Variants in SYT16 observed in about 807,000 individuals in gnomAD.
SYT16 encodes synaptotagmin-16.
SYT16 carries 42 observed loss-of-function variants against 61.4 expected under a neutral mutation model. The ratio of observed to expected loss-of-function variants is 0.68; its 90% CI spans 0.53 to 0.89. The LOEUF (loss-of-function observed/expected upper bound fraction) is 0.89. Among genes scored for constraint, SYT16 ranks in the 40% least tolerant of loss-of-function variants. SYT16 has a pLI of 0.00. For missense variants in SYT16, 804 were observed against 807.3 expected (o/e 1.00, Z 0.05); for synonymous variants, 314 against 302.3 (o/e 1.04, Z -0.40).
intron 1 of SYT16, among the ~76,000 whole-genome samples, chr14:61,887,975 T>C (rs2047973053): frequency 6.6e-6 from 1 of 152,222 alleles, no homozygotes; most frequent in African/African-American, 2.4e-5. Context: ...GAGGCCTAGC[T>C]TTTACCGTCT....
rs1349193257 is a variant in SYT16 at position 62,107,148 on chromosome 14, T to C, written c.*6441T>C. 1.3e-5 allele frequency: 2 copies of C among 151,694 alleles called. No individual in the cohort carries two copies. The highest frequency in any genetic ancestry group is 2.1e-4 in the South Asian group (1 of 4,820). The allele number at this position is 151,694 out of a possible 1,614,324, so 9.4% of individuals were successfully genotyped here. On this transcript the variant is annotated 3_prime_UTR_variant, in exon 8 of 8. Transcript: ENST00000683842. Reference sequence around the variant, plus strand: ...AAATTTATTCATTCAAAAAGATCTTTATAGGTTGGGCATGGTGGCTCACAC... The same window carrying C: ...AAATTTATTCATTCAAAAAGATCTTCATAGGTTGGGCATGGTGGCTCACAC...
chr14:61,827,699 ATATTT>A (rs1311470324), intron 1 of SYT16, among the ~76,000 whole-genome samples: 9 of 151,928 alleles, frequency 5.9e-5, no homozygotes, highest in Admixed American at 3.3e-4. Context: ...CACACTTTTG[ATATTT>A]TATTTATTGC....
intron 1 of SYT16, among the ~76,000 whole-genome samples, chr14:61,836,792 CATTT>C (rs1466840059): frequency 3.3e-5 from 5 of 152,278 alleles, no homozygotes; most frequent in Non-Finnish European, 5.9e-5. Context: ...CCTTTACATC[CATTT>C]ATTTATGTCT....
chr14:62,073,539 T>A (rs2056375245), intron 4 of SYT16, among the ~76,000 whole-genome samples: 1 of 152,212 alleles, frequency 6.6e-6, no homozygotes, highest in African/African-American at 2.4e-5. Flanking sequence ...AATTTTGTAA[T>A]GTCCCATAAA....
At chr14:62,004,261 A>C (rs1404717192) in intron 3 of SYT16, among the ~76,000 whole-genome samples, 2 of 152,152 alleles carry the variant, frequency 1.3e-5, no homozygotes, top group Admixed American at 1.3e-4. Flanking sequence ...AGAGAGAGAG[A>C]GCGCACAAGC....
chr14:61,877,576 C>A (rs2047544292), intron 1 of SYT16, among the ~76,000 whole-genome samples: 1 of 152,168 alleles, frequency 6.6e-6, no homozygotes, highest in African/African-American at 2.4e-5. Context: ...AAAGTCAGTC[C>A]CATTTTTCTC....
At chr14:61,910,515 G>T (rs559909478) in intron 1 of SYT16, among the ~76,000 whole-genome samples, 1 of 131,256 alleles carries the variant, frequency 7.6e-6, no homozygotes, top group Admixed American at 7.9e-5. Context: ...CTGAGCCGCC[G>T]CATCCCGCTG....
chr14:61,835,135 CA>C (rs1285864430), intron 1 of SYT16, among the ~76,000 whole-genome samples: 2 of 151,214 alleles, frequency 1.3e-5, no homozygotes, highest in Non-Finnish European at 2.9e-5. Flanking sequence ...TTAAGAACAG[CA>C]AAAAACAGTT....
chr14:61,979,589 A>C (rs1325696108), intron 2 of SYT16, among the ~76,000 whole-genome samples: 5 of 152,202 alleles, frequency 3.3e-5, no homozygotes, highest in African/African-American at 1.2e-4. Flanking sequence ...TTAGATGATT[A>C]AAAATAAATT....
intron 1 of SYT16, among the ~76,000 whole-genome samples, chr14:61,867,950 T>G (rs1326274783): frequency 6.6e-6 from 1 of 152,142 alleles, no homozygotes; most frequent in Non-Finnish European, 1.5e-5. Context: ...AGTCTGTTAA[T>G]ATGTTGAATT....
At position 62,066,487 on chromosome 14, in the gene SYT16, T is replaced by C. The variant is rs551750002; in HGVS notation, c.524-3116T>C. 1.4e-4 allele frequency among the ~76,000 whole-genome samples: 21 copies of C among 152,350 alleles called. 1 individual carries two copies. The highest frequency in any genetic ancestry group is 5.0e-4 in the African/African-American group (21 of 41,588). On this transcript the variant is annotated intron_variant, in intron 3 of 7. Coordinates refer to ENST00000683842, the MANE Select transcript of SYT16 (RefSeq NM_001367656.1). ...TCAGTAAGTGTGTTATTATTGCTAG[T>C]CTTCCAAAGAACCTCAGGAATGTCA...
chr14:62,029,324 G>C (rs2054221339), intron 3 of SYT16, among the ~76,000 whole-genome samples: 1 of 152,172 alleles, frequency 6.6e-6, no homozygotes, highest in Admixed American at 6.5e-5. Flanking sequence ...CACAGTCTTG[G>C]GTGAATGTGG....
At chr14:61,923,023 T>A (rs995138209) in intron 1 of SYT16, among the ~76,000 whole-genome samples, 3 of 144,150 alleles carry the variant, frequency 2.1e-5, no homozygotes, top group African/African-American at 7.8e-5. Context: ...CACTCCAGCC[T>A]GGTCAACAGG....
intron 3 of SYT16, among the ~76,000 whole-genome samples, chr14:62,059,799 C>CACACACACAT (rs1360104270): frequency 2.7e-5 from 4 of 150,728 alleles, no homozygotes; most frequent in African/African-American, 9.8e-5. Context: ...CACACACACA[C>CACACACACAT]ACTCAATGTG....
At position 61,934,406 on chromosome 14, in the gene SYT16, A is replaced by G. The variant is rs1486101464; in HGVS notation, c.-324-35726A>G. On this transcript the variant is annotated intron_variant, in intron 1 of 7. Transcript: ENST00000683842. Reference sequence around the variant, plus strand: ...TGATTCAGCCTGAGAAAACCTCTGTATGACAAAAAATGTAGAATGCTTTAT... The same window carrying G: ...TGATTCAGCCTGAGAAAACCTCTGTGTGACAAAAAATGTAGAATGCTTTAT... Among the ~76,000 whole-genome samples, 3 of 152,326 alleles carry G rather than the reference A, an allele frequency of 2.0e-5. No individual in the cohort carries two copies. The East Asian group carries it at 5.8e-4, about 29-fold the overall frequency.
At chr14:62,056,865 G>A (rs763607403) in intron 3 of SYT16, among the ~76,000 whole-genome samples, 29 of 152,212 alleles carry the variant, frequency 1.9e-4, no homozygotes, top group Admixed American at 6.5e-4. Flanking sequence ...TGACGGCGTC[G>A]GAGGACAACA....
chr14:61,991,189 G>T (rs1007480541), intron 2 of SYT16, among the ~76,000 whole-genome samples: 2 of 151,778 alleles, frequency 1.3e-5, no homozygotes, highest in African/African-American at 4.8e-5. Flanking sequence ...ATCTTTTTTT[G>T]TTGTCTCATT....
At chr14:61,865,051 C>T (rs2047100594) in intron 1 of SYT16, 4 of 1,406,440 alleles carry the variant, frequency 2.8e-6, no homozygotes, top group Non-Finnish European at 4.0e-6. Context: ...GGCTGCGGAG[C>T]TGCAGGCTCG....
intron 1 of SYT16, among the ~76,000 whole-genome samples, chr14:61,951,723 T>C (rs553927736): frequency 6.6e-6 from 1 of 152,162 alleles, no homozygotes; most frequent in African/African-American, 2.4e-5. Flanking sequence ...GAATATTCTC[T>C]GACATTTCAA....
Sources: allele counts gnomAD v4.1 joint callset (sites outside exome capture counted in the v4.1 genomes callset), GRCh38; gene constraint gnomAD v4.1.1; transcripts MANE v1.5; gene names NCBI Gene and HGNC (gene_info 2026-07-23, HGNC 2026-07-21).